MUC5AC: variants seen among roughly 807,000 people sequenced by gnomAD.
MUC5AC encodes mucin-5AC.
A neutral mutation model predicts 169.7 loss-of-function variants in MUC5AC; 158 were observed. The observed-to-expected ratio is 0.93, with a 90% CI of 0.82 to 1.06. The LOEUF is 1.06. Among genes scored for constraint, MUC5AC ranks in the 50% least tolerant of loss-of-function variants. The pLI is 0.00. For missense variants in MUC5AC, 4,359 were observed against 3,089.9 expected (o/e 1.41, Z -9.74); for synonymous variants, 1,975 against 1,237.0 (o/e 1.60, Z -12.52).
rs889434137 is a variant in MUC5AC, at chr11:1,180,047, C to T, written c.3510C>T (p.Pro1170=). The change falls in exon 27 of 49, where the codon CCC becomes CCT. Residue 1170 remains proline, a synonymous_variant. Coordinates refer to ENST00000621226, the MANE Select transcript of MUC5AC (RefSeq NM_001304359.2). ...CTCTGTTCTGCGACTACTACAACCC[C>T]GAAGGCCAGTGCGAGTGGCACTACC... ...ICPLFCDYYN[P]EGQCEWHYQP... 1.8e-5 allele frequency: 7 copies of T among 399,006 alleles called. No individual in the cohort carries two copies. The highest frequency in any genetic ancestry group is 5.9e-4 in the Middle Eastern group (1 of 1,692). The allele number at this position is 399,006 out of a possible 1,614,324, so 24.7% of individuals were successfully genotyped here.
intron 12 of MUC5AC, 27 bp downstream of exon 12, chr11:1,168,014 C>G: frequency 6.5e-7 from 1 of 1,534,366 alleles, no homozygotes; most frequent in South Asian, 1.2e-5. Context: ...AGGGCAAACC[C>G]CGGGAAGAGG....
Position 1,190,233 on chromosome 11 carries a change from C to T in MUC5AC, c.12088C>T (p.Arg4030Trp), listed in dbSNP as rs1450504581. 7.5e-5 allele frequency: 56 copies of T among 747,440 alleles called. No homozygotes were observed. In the Middle Eastern group the frequency reaches 2.5e-3, roughly 34 times the overall value. The allele number at this position is 747,440 out of a possible 1,614,324, so 46.3% of individuals were successfully genotyped here. ...CAGCCGGGAAGAGGGCCTGGTGTGC[C>T]GGAACCAGGACCAGCAGGGACCCTT... Reference protein sequence around the residue: ...QCSREEGLVCRNQDQQGPFKM... With the variant: ...QCSREEGLVCWNQDQQGPFKM... Residue 4030 changes from arginine (R) to tryptophan (W), a missense_variant, in exon 31 of 49, where the codon CGG (arginine) becomes TGG (tryptophan). Physicochemically the swap from Arg to Trp is moderately radical, Grantham distance 101. Transcript: ENST00000621226.
At position 1,189,686 on chromosome 11, in the gene MUC5AC, A is replaced by C. The variant is rs1861041238; in HGVS notation, c.11541A>C (p.Thr3847=). 6 of 626,824 alleles carry C rather than the reference A, an allele frequency of 9.6e-6. No individual in the cohort carries two copies. Among genetic ancestry groups the C allele is most frequent in the Non-Finnish European group, 2.9e-6 (1 of 350,748 alleles). 38.8% of individuals were successfully genotyped at this position (626,824 alleles called of 1,614,324 possible). The stretch of plus-strand genomic sequence containing the variant: ...CAACTTCTGCCCCTACAACCAGCAC[A>C]ACCTCCACTCCACAGACCAGCATAT... ...TSTTSAPTTS[T]TSTPQTSISS... Residue 3847 remains threonine, a synonymous_variant, in exon 31 of 49, where the codon ACA becomes ACC. Coordinates refer to ENST00000621226, the MANE Select transcript of MUC5AC (RefSeq NM_001304359.2).
In MUC5AC at chr11:1,194,144, C is replaced by T; in HGVS notation, c.14790C>T (p.Ile4930=). 1 of 765,048 alleles carries T rather than the reference C, an allele frequency of 1.3e-6. No homozygotes were observed. Among genetic ancestry groups the T allele is most frequent in the South Asian group, 1.3e-5 (1 of 74,630 alleles). The allele number at this position is 765,048 out of a possible 1,614,324, so 47.4% of individuals were successfully genotyped here. Residue 4930 remains isoleucine, a synonymous_variant, in exon 34 of 49, where the codon ATC becomes ATT. Transcript: ENST00000621226. ...VCSGWGDPHY[I]TFDGTYYTFL... ...GCGGCTGGGGTGACCCCCACTACAT[C>T]ACCTTCGACGGCACCTACTACACCT... is the stretch of plus-strand genomic sequence containing the variant.
chr11:1,189,455 T>G lies in MUC5AC; in HGVS notation c.11310T>G (p.Ala3770=), dbSNP rs1284800610. ...TTSAPTSTSS[A]PTTNTTSAPT... ...CAGCTCCTACGAGCACTTCCTCGGC[T>G]CCTACAACCAACACAACCTCTGCCC... Residue 3770 remains alanine (A), a synonymous_variant, in exon 31 of 49, where the codon GCT becomes GCG. Coordinates refer to ENST00000621226, the MANE Select transcript of MUC5AC (RefSeq NM_001304359.2). 6.0e-5 allele frequency: 33 copies of G among 552,932 alleles called. No homozygotes were observed. The highest frequency in any genetic ancestry group is 1.0e-4 in the Non-Finnish European group (32 of 313,906). 34.3% of individuals were successfully genotyped at this position (552,932 alleles called of 1,614,324 possible).
intron 16 of MUC5AC, 22 bp downstream of exon 16, chr11:1,172,545 C>T (rs973750154): frequency 1.5e-5 from 6 of 398,520 alleles, no homozygotes; most frequent in Non-Finnish European, 8.8e-6. Flanking sequence ...CGCCTCTTGG[C>T]CCGGTGGGGC....
chr11:1,195,245 C>T lies in MUC5AC; in HGVS notation c.15424C>T (p.Leu5142=), dbSNP rs1311978171. ...VGPTTPPAPC[L]PSPICQLILS... ...GCCCACCACACCGCCTGCTCCGTGC[C>T]TGCCATCACCCATCTGCCAGCTGAT... The change falls in exon 36 of 49, where the codon CTG becomes TTG. Residue 5142 remains leucine (L), a synonymous_variant. Transcript: ENST00000621226. 3 of 761,722 alleles carry T rather than the reference C, an allele frequency of 3.9e-6. No individual in the cohort carries two copies. Among genetic ancestry groups the T allele is most frequent in the Non-Finnish European group, 7.2e-6 (3 of 416,730 alleles). 47.2% of individuals were successfully genotyped at this position (761,722 alleles called of 1,614,324 possible). A position where few individuals can be genotyped will look rare whatever the true frequency, so the allele number is the denominator to read the frequency against.
intron 43 of MUC5AC, among the ~76,000 whole-genome samples, chr11:1,198,585 C>G (rs1861343773): frequency 6.6e-6 from 1 of 152,130 alleles, no homozygotes; most frequent in Admixed American, 6.5e-5. Flanking sequence ...TCCCACGGCT[C>G]TGTCCTGAGC....
At position 1,186,205 on chromosome 11, in the gene MUC5AC, C is replaced by T; in HGVS notation, c.8060C>T (p.Ala2687Val). ...GCTTCTACAACCAGCACAACCTCTG[C>T]TTCTACAACCAGCACAACCTCTGGT... ...TSASTTSTTS[A>V]STTSTTSGPG... The change falls in exon 31 of 49, where the codon GCT becomes GTT. Residue 2687 changes from alanine to valine, a missense_variant. Ala to Val is a moderately conservative substitution (Grantham distance 64). Transcript: ENST00000621226. 1 of 751,662 alleles carries T rather than the reference C, an allele frequency of 1.3e-6. No homozygotes were observed. Among genetic ancestry groups the T allele is most frequent in the South Asian group, 1.4e-5 (1 of 72,920 alleles). The allele number at this position is 751,662 out of a possible 1,614,324, so 46.6% of individuals were successfully genotyped here.
chr11:1,166,251 G>A (rs1213053103), intron 11 of MUC5AC, among the ~76,000 whole-genome samples: 63 of 108,922 alleles, frequency 5.8e-4, no homozygotes, highest in East Asian at 1.5e-3. Context: ...TCTCCCTATG[G>A]TGAGACCCTG....
chr11:1,168,686 C>G lies in MUC5AC; in HGVS notation c.1612C>G (p.Gln538Glu), dbSNP rs771547947. The G allele has an allele frequency of 6.2e-7, 1 of 1,611,182 alleles. No individual in the cohort carries two copies. Among genetic ancestry groups the G allele is most frequent in the East Asian group, 2.2e-5 (1 of 44,818 alleles). The change falls in exon 14 of 49, where the codon CAG (glutamine) becomes GAG (glutamate). Residue 538 changes from glutamine (Q) to glutamate (E), a missense_variant. Coordinates refer to ENST00000621226, the MANE Select transcript of MUC5AC (RefSeq NM_001304359.2). The part of the protein sequence containing the change: ...FRPSTFFIIA[Q>E]TSLGLQLNLQ... ...ACCCTCAACCTTCTTCATCATCGCCCAGACCAGCCTGGGCCTGCAGCTGAA... is the reference window on the plus strand; with the variant it reads ...ACCCTCAACCTTCTTCATCATCGCCGAGACCAGCCTGGGCCTGCAGCTGAA...
Position 1,163,189 on chromosome 11 carries a change from C to A in MUC5AC, c.679+144C>A. 6 of 776,650 alleles carry A rather than the reference C, an allele frequency of 7.7e-6. No homozygotes were observed. In the East Asian group the frequency reaches 1.6e-4, roughly 21 times the overall value. 48.1% of individuals were successfully genotyped at this position (776,650 alleles called of 1,614,324 possible). Reference sequence around the variant, plus strand: ...GCCCTCCCTCCTAGCACAGCACACACGTGCACACACGCGATCCCGCAACGC... The same window carrying A: ...GCCCTCCCTCCTAGCACAGCACACAAGTGCACACACGCGATCCCGCAACGC... On this transcript the variant is annotated intron_variant, in intron 6 of 48. Coordinates refer to ENST00000621226, the MANE Select transcript of MUC5AC (RefSeq NM_001304359.2).
chr11:1,198,234 C>CG, intron 42 of MUC5AC, 34 bp from the exon 43 acceptor site: 2 of 737,380 alleles, frequency 2.7e-6, no homozygotes, highest in South Asian at 2.8e-5. Context: ...GAGTGGGCGG[C>CG]GGGGGGTGCA....
intron 1 of MUC5AC, among the ~76,000 whole-genome samples, chr11:1,158,847 G>A (rs1004618348): frequency 3.3e-5 from 5 of 152,200 alleles, no homozygotes; most frequent in African/African-American, 1.2e-4. Context: ...GCCCAGCCCT[G>A]TCCCCAGCCT....
intron 1 of MUC5AC, among the ~76,000 whole-genome samples, chr11:1,159,807 A>G (rs1289517220): frequency 2.2e-5 from 1 of 46,418 alleles, no homozygotes; most frequent in Non-Finnish European, 4.0e-5. Context: ...GGCTCTGTGC[A>G]GGGCTGTGCA....
chr11:1,197,992 G>C lies in MUC5AC; in HGVS notation c.16123G>C (p.Val5375Leu), dbSNP rs1223951581. 1 of 713,110 alleles carries C rather than the reference G, an allele frequency of 1.4e-6. No individual in the cohort carries two copies. 44.2% of individuals were successfully genotyped at this position (713,110 alleles called of 1,614,324 possible). A position where few individuals can be genotyped will look rare whatever the true frequency, so the allele number is the denominator to read the frequency against. Residue 5375 changes from valine to leucine, a missense_variant, in exon 42 of 49, where the codon GTC (valine) becomes CTC (leucine). Val to Leu is a conservative substitution (Grantham distance 32). Coordinates refer to ENST00000621226, the MANE Select transcript of MUC5AC (RefSeq NM_001304359.2). ...PTYQEGACCP[V>L]QNCSWTVCSI... ...CTACCAGGAGGGGGCCTGCTGCCCA[G>C]TCCAAAACTGCAGTGAGTGGCCTGG... is the stretch of plus-strand genomic sequence containing the variant.
rs1449687181 is a variant in MUC5AC, at chr11:1,187,989, G to A, written c.9844G>A (p.Glu3282Lys). The change falls in exon 31 of 49, where the codon GAA becomes AAA. Residue 3282 changes from glutamate to lysine, a missense_variant. Coordinates refer to ENST00000621226, the MANE Select transcript of MUC5AC (RefSeq NM_001304359.2). ...RAESHPEVSI[E>K]HLGQVVQCSR... The stretch of plus-strand genomic sequence containing the variant: ...CGAGAGCCACCCGGAGGTGAGCATT[G>A]AACACCTGGGCCAGGTGGTGCAGTG... 60 of 759,100 alleles carry A rather than the reference G, an allele frequency of 7.9e-5. No individual in the cohort carries two copies. The highest frequency in any genetic ancestry group is 7.6e-4 in the South Asian group (56 of 74,020). The allele number at this position is 759,100 out of a possible 1,614,324, so 47.0% of individuals were successfully genotyped here.
intron 22 of MUC5AC, 31 bp downstream of exon 22, chr11:1,177,097 G>A (rs36129405): frequency 0.17 from 67,782 of 398,434 alleles, 6,490 homozygotes; most frequent in Non-Finnish European, 0.2. Context: ...TCCTCACGGC[G>A]GCCCCCGTGG....
chr11:1,162,503 C>A, intron 4 of MUC5AC, 29 bp from the exon 5 acceptor site: 5 of 1,597,754 alleles, frequency 3.1e-6, no homozygotes, highest in Non-Finnish European at 4.3e-6. Context: ...ACTGCGCTCC[C>A]AGCCCCTCAG....
Sources: gnomAD v4.1 joint callset for allele counts (sites outside exome capture counted in the v4.1 genomes callset) on GRCh38, gnomAD v4.1.1 for gene constraint, MANE v1.5 for transcripts, NCBI Gene and HGNC (gene_info 2026-07-23, HGNC 2026-07-21) for gene names.